The following GRIA2 variants were observed in gnomAD, a reference collection of about 807,000 sequenced individuals.
GRIA2 encodes the protein glutamate receptor 2.
A neutral mutation model predicts 97.3 loss-of-function variants in GRIA2; 14 were observed. That is an observed-to-expected ratio of 0.14 (90% CI 0.10 to 0.23). The LOEUF (loss-of-function observed/expected upper bound fraction) is 0.23, where lower values mean the gene tolerates loss of function less well. Ranked by LOEUF, GRIA2 falls within the 10% of genes least tolerant of loss-of-function variation. The probability of loss-of-function intolerance (pLI) is 1.00; values close to 1 mark genes in which losing one functional copy is unlikely to be tolerated. For missense variants in GRIA2, 558 were observed against 1,069.8 expected (o/e 0.52, Z 6.67); for synonymous variants, 412 against 387.8 (o/e 1.06, Z -0.73).
intron 2 of GRIA2, among the ~76,000 whole-genome samples, chr4:157,240,308 C>A (rs1392497037): frequency 6.6e-6 from 1 of 152,066 alleles, no homozygotes. Flanking sequence ...TTCTATTCCT[C>A]AGAATACATT....
At chr4:157,291,295 T>C (rs1733090088) in intron 2 of GRIA2, among the ~76,000 whole-genome samples, 1 of 152,010 alleles carries the variant, frequency 6.6e-6, no homozygotes, top group South Asian at 2.1e-4. Context: ...TTCTGGCCTT[T>C]ACTAATGAAT....
intron 12 of GRIA2, among the ~76,000 whole-genome samples, chr4:157,343,728 A>T (rs1735647375): frequency 6.6e-6 from 1 of 152,146 alleles, no homozygotes; most frequent in Admixed American, 6.6e-5. Context: ...AGAAGCCAAT[A>T]AAACAGCATG....
intron 6 of GRIA2, among the ~76,000 whole-genome samples, chr4:157,332,124 A>G (rs995973179): frequency 2.0e-5 from 3 of 152,100 alleles, no homozygotes; most frequent in Non-Finnish European, 4.4e-5. Flanking sequence ...CTAGACACTG[A>G]CAATGCCTTG....
chr4:157,333,329 G>A lies in GRIA2; in HGVS notation c.1131G>A (p.Glu377=), dbSNP rs776126893. The A allele has an allele frequency of 6.3e-7, 1 of 1,594,222 alleles. No homozygotes were observed. Among genetic ancestry groups the A allele is most frequent in the Non-Finnish European group, 8.6e-7 (1 of 1,165,748 alleles). The stretch of plus-strand genomic sequence containing the variant: ...TAAACTATACAATTAACATCATGGA[G>A]CTCAAAACTAATGGGCCCCGGAAGG... ...KRINYTINIM[E]LKTNGPRKIG... is the part of the protein sequence containing the mutation. The change falls in exon 8 of 16, where the codon GAG becomes GAA. Residue 377 remains glutamate, a synonymous_variant. Transcript: ENST00000264426.
intron 2 of GRIA2, among the ~76,000 whole-genome samples, chr4:157,291,603 A>T (rs1034226511): frequency 6.6e-6 from 1 of 152,048 alleles, no homozygotes; most frequent in Admixed American, 6.6e-5. Context: ...TCAGATAATT[A>T]TTGAAATTCT....
chr4:157,302,927 A>G (rs971978090), intron 2 of GRIA2, among the ~76,000 whole-genome samples: 1 of 152,194 alleles, frequency 6.6e-6, no homozygotes. Context: ...AGTGTAACAT[A>G]TAGGGTAAGT....
rs1347530437 is a variant in GRIA2 at position 157,328,202 on chromosome 4, T to C, written c.883-4617T>C. ...AATATTTATAATTTAATTCAGGGCA[T>C]CTCACATCTTATTTTCATATTTCTT... On this transcript the variant is annotated intron_variant, in intron 6 of 15. Transcript: ENST00000264426. 5.3e-5 allele frequency among the ~76,000 whole-genome samples: 8 copies of C among 152,088 alleles called. No homozygotes were observed. The South Asian group carries it at 1.5e-3, about 28-fold the overall frequency.
At chr4:157,236,414 G>A (rs528466366) in intron 2 of GRIA2, among the ~76,000 whole-genome samples, 73 of 152,026 alleles carry the variant, frequency 4.8e-4, no homozygotes, top group South Asian at 4.4e-3. Flanking sequence ...AACATAAATC[G>A]GAGTTCTGCT....
At chr4:157,356,053 A>T (rs1343487476) in intron 12 of GRIA2, among the ~76,000 whole-genome samples, 2 of 113,508 alleles carry the variant, frequency 1.8e-5, no homozygotes, top group African/African-American at 3.5e-5. Flanking sequence ...ATATGTATTT[A>T]TATATATTTA....
rs766504988 is a variant in GRIA2, at chr4:157,276,941, C to G, written c.230-26611C>G. Among the ~76,000 whole-genome samples the G allele has an allele frequency of 7.6e-4, 115 of 151,940 alleles. 1 individual carries two copies. The highest frequency in any genetic ancestry group is 1.1e-3 in the Admixed American group (17 of 15,224). ...ATTAATAATTTTCTGAAAAAGAAAG[C>G]ACCAGGCCCAGATAAGTTTACTGGT... is the stretch of plus-strand genomic sequence containing the variant. On this transcript the variant is annotated intron_variant, in intron 2 of 15. Coordinates refer to ENST00000264426, the MANE Select transcript of GRIA2 (RefSeq NM_001083619.3).
chr4:157,274,145 G>A (rs7673086), intron 2 of GRIA2, among the ~76,000 whole-genome samples: 54,727 of 151,432 alleles, frequency 0.36, 10,381 homozygotes, highest in African/African-American at 0.47. Flanking sequence ...GTAGTGAAGA[G>A]GAAATACATA....
At chr4:157,297,109 G>A (rs1170274723) in intron 2 of GRIA2, among the ~76,000 whole-genome samples, 1 of 152,078 alleles carries the variant, frequency 6.6e-6, no homozygotes, top group Non-Finnish European at 1.5e-5. Context: ...TTATGAAGGA[G>A]GCTTTTTGAG....
At position 157,221,094 on chromosome 4, in the gene GRIA2, C is replaced by T; in HGVS notation, c.52C>T (p.Leu18=). The change falls in exon 1 of 16, where the codon CTG becomes TTG. Residue 18 remains leucine, a synonymous_variant. Coordinates refer to ENST00000264426, the MANE Select transcript of GRIA2 (RefSeq NM_001083619.3). ...SVLLSPVLWG[L]IFGVSSNSIQ... ...CCTCCTTTCTCCTGTTTTATGGGGA[C>T]TGATTTTTGGTGTCTCTTCTAACAG... 1 of 1,594,718 alleles carries T rather than the reference C, an allele frequency of 6.3e-7. No individual in the cohort carries two copies.
At chr4:157,337,460 A>G (rs2126942120) in intron 11 of GRIA2, among the ~76,000 whole-genome samples, 1 of 152,146 alleles carries the variant, frequency 6.6e-6, no homozygotes, top group Admixed American at 6.6e-5. Flanking sequence ...GATTTTATTC[A>G]TGTTGCACGT....
chr4:157,278,335 C>T (rs938259843), intron 2 of GRIA2, among the ~76,000 whole-genome samples: 1 of 151,784 alleles, frequency 6.6e-6, no homozygotes, highest in Non-Finnish European at 1.5e-5. Flanking sequence ...GTATAGTCAA[C>T]TGATTATGAC....
chr4:157,341,305 T>C lies in GRIA2; in HGVS notation c.1886T>C (p.Phe629Ser). The stretch of plus-strand genomic sequence containing the variant: ...ATTGTTGGAGGTGTGTGGTGGTTCT[T>C]TACCCTGATCATAATCTCCTCCTAC... ...GRIVGGVWWFFTLIIISSYTA... is the reference protein window; with the variant it reads ...GRIVGGVWWFSTLIIISSYTA... Residue 629 changes from phenylalanine (F) to serine (S), a missense_variant, in exon 12 of 16, where the codon TTT becomes TCT. Coordinates refer to ENST00000264426, the MANE Select transcript of GRIA2 (RefSeq NM_001083619.3). The C allele has an allele frequency of 6.2e-7, 1 of 1,613,196 alleles. No homozygotes were observed. Among genetic ancestry groups the C allele is most frequent in the Non-Finnish European group, 8.5e-7 (1 of 1,179,336 alleles).
chr4:157,273,212 T>C (rs572046579), intron 2 of GRIA2, among the ~76,000 whole-genome samples: 1 of 152,240 alleles, frequency 6.6e-6, no homozygotes, highest in South Asian at 2.1e-4. Context: ...CACCATTTTA[T>C]ATAATGCACT....
intron 4 of GRIA2, among the ~76,000 whole-genome samples, chr4:157,316,199 A>G (rs1354441564): frequency 6.6e-6 from 1 of 152,166 alleles, no homozygotes; most frequent in Non-Finnish European, 1.5e-5. Flanking sequence ...GGAGGGACAT[A>G]ATCAATCTGA....
chr4:157,277,139 A>T (rs1732357497), intron 2 of GRIA2, among the ~76,000 whole-genome samples: 1 of 151,972 alleles, frequency 6.6e-6, no homozygotes. Context: ...AAAAATAATT[A>T]ACAAAATATT....
Sources: allele counts gnomAD v4.1 joint callset (sites outside exome capture counted in the v4.1 genomes callset), GRCh38; gene constraint gnomAD v4.1.1; transcripts MANE v1.5; gene names NCBI Gene and HGNC (gene_info 2026-07-23, HGNC 2026-07-21).